Variants in NKAIN3 observed in about 807,000 individuals in gnomAD.
NKAIN3 encodes sodium/potassium-transporting ATPase subunit beta-1-interacting protein 3.
A neutral mutation model predicts 30.2 loss-of-function variants in NKAIN3; 25 were observed. The observed-to-expected ratio is 0.83, with a 90% CI of 0.60 to 1.16. The LOEUF (loss-of-function observed/expected upper bound fraction) is 1.16. Among genes scored for constraint, NKAIN3 ranks in the 50% most tolerant of loss-of-function variants. NKAIN3 has a pLI of 0.00. For missense variants in NKAIN3, 225 were observed against 254.1 expected, an observed-to-expected ratio of 0.89 and a Z score of 0.78; for synonymous variants, 91 against 89.6, an observed-to-expected ratio of 1.02 and a Z score of -0.09.
chr8:62,857,399 C>A (rs896986850), intron 4 of NKAIN3, among the ~76,000 whole-genome samples: 2 of 152,118 alleles, frequency 1.3e-5, no homozygotes, highest in African/African-American at 4.8e-5. Context: ...CCTGTGTTGC[C>A]AGGTTGAGGA....
intron 4 of NKAIN3, among the ~76,000 whole-genome samples, chr8:62,805,296 A>C (rs1818234224): frequency 6.6e-6 from 1 of 151,876 alleles, no homozygotes; most frequent in African/African-American, 2.4e-5. Flanking sequence ...AATTGGAAAA[A>C]ACTACTTTAA....
chr8:62,278,256 T>A (rs1483867089), intron 1 of NKAIN3, among the ~76,000 whole-genome samples: 1 of 152,082 alleles, frequency 6.6e-6, no homozygotes, highest in East Asian at 1.9e-4. Context: ...ATAAGGGTTA[T>A]GCCAAGGAGT....
chr8:62,851,900 T>C (rs1258237503), intron 4 of NKAIN3, among the ~76,000 whole-genome samples: 2 of 152,194 alleles, frequency 1.3e-5, no homozygotes, highest in Non-Finnish European at 2.9e-5. Context: ...TCATCAGGGA[T>C]ATTGGTCTAA....
At chr8:62,929,632 GC>G (rs1427598253) in intron 5 of NKAIN3, among the ~76,000 whole-genome samples, 1 of 152,082 alleles carries the variant, frequency 6.6e-6, no homozygotes. Context: ...AGGCTTTTCT[GC>G]CCAGAAAATT....
intron 3 of NKAIN3, among the ~76,000 whole-genome samples, chr8:62,614,364 T>C (rs1264142052): frequency 6.6e-6 from 1 of 152,172 alleles, no homozygotes; most frequent in East Asian, 1.9e-4. Flanking sequence ...AGAGTCTCTC[T>C]CTCTGCCCTG....
chr8:62,728,621 C>T (rs1392326916), intron 3 of NKAIN3, among the ~76,000 whole-genome samples: 2 of 151,640 alleles, frequency 1.3e-5, no homozygotes, highest in African/African-American at 2.4e-5. Flanking sequence ...GCGGAGATCG[C>T]GCCATTGCAC....
At chr8:62,425,755 T>C (rs769434902) in intron 1 of NKAIN3, among the ~76,000 whole-genome samples, 20 of 151,994 alleles carry the variant, frequency 1.3e-4, no homozygotes, top group Non-Finnish European at 1.9e-4. Flanking sequence ...TATCTTAGAA[T>C]GAATGCTTTC....
chr8:62,708,928 T>C (rs1369588643), intron 3 of NKAIN3, among the ~76,000 whole-genome samples: 1 of 152,158 alleles, frequency 6.6e-6, no homozygotes, highest in African/African-American at 2.4e-5. Flanking sequence ...GTTATAATCA[T>C]AAAGGGATGC....
At chr8:62,356,325 A>C (rs999503083) in intron 1 of NKAIN3, among the ~76,000 whole-genome samples, 2 of 152,204 alleles carry the variant, frequency 1.3e-5, no homozygotes, top group East Asian at 3.8e-4. Context: ...CAAAATAGGA[A>C]AAATGTATAT....
intron 3 of NKAIN3, among the ~76,000 whole-genome samples, chr8:62,683,713 C>A (rs542396613): frequency 6.6e-6 from 1 of 152,026 alleles, no homozygotes; most frequent in Non-Finnish European, 1.5e-5. Flanking sequence ...ATTTCATAAC[C>A]CCTCTCTCCT....
At chr8:62,997,997 GT>G (rs1804160641) in intron 5 of NKAIN3, among the ~76,000 whole-genome samples, 1 of 152,078 alleles carries the variant, frequency 6.6e-6, no homozygotes, top group Non-Finnish European at 1.5e-5. Context: ...TGTTATTTGG[GT>G]TGAATTATTA....
intron 3 of NKAIN3, among the ~76,000 whole-genome samples, chr8:62,641,864 A>G (rs1162075592): frequency 6.6e-6 from 1 of 152,114 alleles, no homozygotes; most frequent in East Asian, 1.9e-4. Flanking sequence ...ACTATGATGC[A>G]TTTGGCTAAG....
chr8:62,364,613 C>T (rs574923966), intron 1 of NKAIN3, among the ~76,000 whole-genome samples: 177 of 151,872 alleles, frequency 1.2e-3, no homozygotes, highest in Middle Eastern at 6.8e-3. Context: ...GAGGCCGATG[C>T]GGGTGGATCA....
intron 1 of NKAIN3, among the ~76,000 whole-genome samples, chr8:62,420,843 A>G (rs1196112707): frequency 6.6e-6 from 1 of 152,226 alleles, no homozygotes; most frequent in Non-Finnish European, 1.5e-5. Context: ...TAATTGTAGT[A>G]TGATTCTTAA....
intron 4 of NKAIN3, among the ~76,000 whole-genome samples, chr8:62,854,067 T>C (rs1459819070): frequency 6.6e-6 from 1 of 152,142 alleles, no homozygotes; most frequent in Non-Finnish European, 1.5e-5. Flanking sequence ...CAAGAGATGA[T>C]TTGTTAGGAT....
intron 4 of NKAIN3, among the ~76,000 whole-genome samples, chr8:62,902,114 G>A (rs569709136): frequency 6.6e-6 from 1 of 152,138 alleles, no homozygotes; most frequent in Admixed American, 6.6e-5. Flanking sequence ...GGGGACCTCA[G>A]CTCTCAATGC....
intron 3 of NKAIN3, among the ~76,000 whole-genome samples, chr8:62,738,987 C>A (rs886099745): frequency 5.3e-5 from 8 of 152,124 alleles, no homozygotes; most frequent in African/African-American, 1.9e-4. Context: ...AAGCTGGAAA[C>A]CATCATTCTC....
intron 4 of NKAIN3, among the ~76,000 whole-genome samples, chr8:62,771,564 G>T (rs1246279768): frequency 6.6e-6 from 1 of 151,974 alleles, no homozygotes; most frequent in East Asian, 1.9e-4. Context: ...TGTACTTGGG[G>T]TGTCAGAAAG....
intron 4 of NKAIN3, among the ~76,000 whole-genome samples, chr8:62,894,149 G>A (rs1286839525): frequency 2.0e-5 from 3 of 152,130 alleles, no homozygotes; most frequent in African/African-American, 7.2e-5. Flanking sequence ...TGGCAAAAAT[G>A]CTGGAGTTTT....
Sources: allele counts gnomAD v4.1 joint callset (sites outside exome capture counted in the v4.1 genomes callset), GRCh38; gene constraint gnomAD v4.1.1; transcripts MANE v1.5; gene names NCBI Gene and HGNC (gene_info 2026-07-23, HGNC 2026-07-21).